NMNAT3: variants seen among roughly 807,000 people sequenced by gnomAD.
The protein encoded by NMNAT3 is nicotinamide/nicotinic acid mononucleotide adenylyltransferase 3.
NMNAT3 carries 21 observed loss-of-function variants against 24.8 expected under a neutral mutation model. That is an observed-to-expected ratio of 0.85 (90% CI 0.60 to 1.22). The LOEUF (loss-of-function observed/expected upper bound fraction) is 1.22. Ranked by LOEUF, NMNAT3 falls within the 50% of genes most tolerant of loss-of-function variation. NMNAT3 has a pLI of 0.00. For missense variants in NMNAT3, 387 were observed against 436.6 expected (o/e 0.89, Z 1.01); for synonymous variants, 136 against 155.2 (o/e 0.88, Z 0.92).
chr3:139,645,143 A>T (rs1460436464), intron 1 of NMNAT3, among the ~76,000 whole-genome samples: 1 of 152,192 alleles, frequency 6.6e-6, no homozygotes, highest in Non-Finnish European at 1.5e-5. Flanking sequence ...CAGAGTTTGC[A>T]GTGAGCTGAG....
intron 4 of NMNAT3, among the ~76,000 whole-genome samples, chr3:139,580,342 C>T (rs1576558536): frequency 6.6e-6 from 1 of 152,176 alleles, no homozygotes; most frequent in Admixed American, 6.5e-5. Context: ...AGGCTGGTCT[C>T]CAACCCCTGA....
At chr3:139,572,281 A>C (rs1363832833) in intron 6 of NMNAT3, 1 of 398,466 alleles carries the variant, frequency 2.5e-6, no homozygotes, top group Non-Finnish European at 4.4e-6. Context: ...CTGATAATGA[A>C]TACTGGGCAC....
intron 6 of NMNAT3, among the ~76,000 whole-genome samples, chr3:139,563,749 A>G (rs956567648): frequency 1.3e-5 from 2 of 152,144 alleles, no homozygotes; most frequent in African/African-American, 4.8e-5. Context: ...GCATTCACAC[A>G]TCTCTTCCAA....
At chr3:139,627,947 G>T (rs151170388) in intron 2 of NMNAT3, among the ~76,000 whole-genome samples, 183 bp from the exon 4 acceptor site, 1 of 152,196 alleles carries the variant, frequency 6.6e-6, no homozygotes, top group Non-Finnish European at 1.5e-5. Context: ...ATGCCAAGGC[G>T]TATCCTTCTC....
intron 6 of NMNAT3, chr3:139,569,061 T>C (rs1053212878): frequency 6.6e-6 from 1 of 152,258 alleles, no homozygotes; most frequent in Non-Finnish European, 1.5e-5. Flanking sequence ...GATAGTTAGC[T>C]CTTCCTGTTG....
Position 139,561,001 on chromosome 3 carries a change from C to G in NMNAT3, c.*9G>C, listed in dbSNP as rs370526937. On this transcript the variant is annotated 3_prime_UTR_variant, in exon 7 of 7. Transcript: ENST00000643695. ...GTTGGAGGAGGTGTGGGTGCTGAGTCCCCCCTCCCTAGCTTGTCTTGCCCT... is the reference window on the plus strand; with the variant it reads ...GTTGGAGGAGGTGTGGGTGCTGAGTGCCCCCTCCCTAGCTTGTCTTGCCCT... 27 of 1,603,432 alleles carry G rather than the reference C, an allele frequency of 1.7e-5. No homozygotes were observed. The highest frequency in any genetic ancestry group is 2.1e-5 in the Non-Finnish European group (25 of 1,173,216).
At chr3:139,596,132 C>CT (rs2054443572) in intron 3 of NMNAT3, among the ~76,000 whole-genome samples, 1 of 152,204 alleles carries the variant, frequency 6.6e-6, no homozygotes, top group Non-Finnish European at 1.5e-5. Context: ...TGGTTTTTCT[C>CT]TGACGAGTCA....
In NMNAT3 at chr3:139,569,356, T is replaced by C. The variant is rs1217441240; in HGVS notation, c.658+4242A>G. 5.3e-5 allele frequency: 8 copies of C among 152,300 alleles called. No individual in the cohort carries two copies. In the South Asian group the frequency reaches 1.7e-3, roughly 32 times the overall value. 9.4% of individuals were successfully genotyped at this position (152,300 alleles called of 1,614,324 possible). A position where few individuals can be genotyped will look rare whatever the true frequency, so the allele number is the denominator to read the frequency against. ...AGCCAATTTACATTTAAAGTTAATA[T>C]TGTTATGTGTGAATTTGATCCTGTC... On this transcript the variant is annotated intron_variant, in intron 6 of 6. Transcript: ENST00000643695.
chr3:139,644,902 A>C (rs923024221), intron 1 of NMNAT3, among the ~76,000 whole-genome samples: 1 of 152,176 alleles, frequency 6.6e-6, no homozygotes, highest in African/African-American at 2.4e-5. Context: ...CAACATTGGC[A>C]ATGTAAGAAT....
intron 1 of NMNAT3, among the ~76,000 whole-genome samples, chr3:139,676,300 G>A (rs1376494098): frequency 6.6e-6 from 1 of 152,228 alleles, no homozygotes; most frequent in Non-Finnish European, 1.5e-5. Context: ...AATACAGTGA[G>A]CAGCTGACAG....
chr3:139,581,914 G>A (rs1474847268), intron 4 of NMNAT3, among the ~76,000 whole-genome samples: 1 of 151,970 alleles, frequency 6.6e-6, no homozygotes, highest in African/African-American at 2.4e-5. Flanking sequence ...TGTAAGGCAG[G>A]CTGGGTGCGG....
At chr3:139,633,923 C>T (rs2056401223) in intron 2 of NMNAT3, among the ~76,000 whole-genome samples, 1 of 152,172 alleles carries the variant, frequency 6.6e-6, no homozygotes, top group Non-Finnish European at 1.5e-5. Flanking sequence ...CACTCAAGTG[C>T]ATCCGCAAGT....
At chr3:139,592,650 G>A (rs2054252090) in intron 3 of NMNAT3, among the ~76,000 whole-genome samples, 1 of 152,116 alleles carries the variant, frequency 6.6e-6, no homozygotes, top group African/African-American at 2.4e-5. Flanking sequence ...CCAGAAGAGA[G>A]TGGGGGCCAA....
At chr3:139,629,829 A>G (rs1359098778) in intron 2 of NMNAT3, among the ~76,000 whole-genome samples, 1 of 152,204 alleles carries the variant, frequency 6.6e-6, no homozygotes, top group African/African-American at 2.4e-5. Context: ...CTCCAACCAG[A>G]AAACCCCCCG....
At chr3:139,641,969 C>A (rs2056718605) in intron 1 of NMNAT3, among the ~76,000 whole-genome samples, 1 of 152,178 alleles carries the variant, frequency 6.6e-6, no homozygotes, top group African/African-American at 2.4e-5. Context: ...GGCATGTGAT[C>A]TAGTTCTGGC....
At chr3:139,617,621 T>G (rs898537022) in intron 3 of NMNAT3, among the ~76,000 whole-genome samples, 1 of 152,216 alleles carries the variant, frequency 6.6e-6, no homozygotes, top group Admixed American at 6.5e-5. Flanking sequence ...GCTAAATAGT[T>G]GTTAACTAAA....
At chr3:139,648,949 C>T (rs955774391) in intron 1 of NMNAT3, among the ~76,000 whole-genome samples, 4 of 151,976 alleles carry the variant, frequency 2.6e-5, no homozygotes, top group Non-Finnish European at 4.4e-5. Context: ...ATATGTACAC[C>T]TAGATATGTT....
intron 3 of NMNAT3, among the ~76,000 whole-genome samples, chr3:139,592,758 C>A (rs1331467240): frequency 6.6e-5 from 10 of 152,116 alleles, no homozygotes; most frequent in Non-Finnish European, 1.5e-4. Flanking sequence ...CCTTTACAGA[C>A]AAGCAAATGC....
At chr3:139,634,522 C>T (rs2056427428) in intron 2 of NMNAT3, 89 bp downstream of exon 3, 1 of 152,198 alleles carries the variant, frequency 6.6e-6, no homozygotes, top group Admixed American at 6.5e-5. Context: ...CTAGGGCAAT[C>T]AACCTTCATG....
Sources: allele counts gnomAD v4.1 joint callset (sites outside exome capture counted in the v4.1 genomes callset), GRCh38; gene constraint gnomAD v4.1.1; transcripts MANE v1.5; gene names NCBI Gene and HGNC (gene_info 2026-07-23, HGNC 2026-07-21).